Variants in NOL4 observed in about 807,000 individuals in gnomAD.
NOL4 encodes nucleolar protein 4.
NOL4 carries 17 observed loss-of-function variants against 75.9 expected under a neutral mutation model. That is an observed-to-expected ratio of 0.22 (90% CI 0.15 to 0.34). The LOEUF (loss-of-function observed/expected upper bound fraction) is 0.34. Among genes scored for constraint, NOL4 ranks in the 10% least tolerant of loss-of-function variants. The pLI is 1.00. For synonymous variants in NOL4, 292 were observed against 289.9 expected (o/e 1.01, Z -0.07); for missense variants, 614 against 793.5 (o/e 0.77, Z 2.72).
At chr18:34,084,073 C>T (rs1040176793) in intron 5 of NOL4, among the ~76,000 whole-genome samples, 3 of 152,202 alleles carry the variant, frequency 2.0e-5, no homozygotes, top group African/African-American at 7.2e-5. Flanking sequence ...GGGCACTGAC[C>T]TGATGCCGGC....
intron 6 of NOL4, among the ~76,000 whole-genome samples, chr18:33,964,038 C>A (rs549244143): frequency 6.6e-6 from 1 of 152,132 alleles, no homozygotes; most frequent in South Asian, 2.1e-4. Flanking sequence ...TATGCTTTCA[C>A]GTGCTTTGCA....
intron 5 of NOL4, among the ~76,000 whole-genome samples, chr18:34,023,846 C>T (rs1451931996): frequency 6.6e-6 from 1 of 152,122 alleles, no homozygotes; most frequent in East Asian, 1.9e-4. Context: ...TCTAGTAACA[C>T]AGTAAATGGC....
chr18:33,994,101 A>G (rs780882139), intron 6 of NOL4, among the ~76,000 whole-genome samples: 31 of 151,900 alleles, frequency 2.0e-4, no homozygotes, highest in Non-Finnish European at 3.8e-4. Context: ...AGATATGACA[A>G]TTATAAACTA....
intron 1 of NOL4, among the ~76,000 whole-genome samples, chr18:34,177,999 A>C (rs186318685): frequency 3.2e-4 from 49 of 151,906 alleles, no homozygotes; most frequent in African/African-American, 1.2e-3. Flanking sequence ...TTTTGTTTGT[A>C]CCTCTTTTTT....
chr18:33,984,582 G>A (rs1330516215), intron 6 of NOL4, among the ~76,000 whole-genome samples: 2 of 151,964 alleles, frequency 1.3e-5, no homozygotes, highest in Admixed American at 6.6e-5. Context: ...GGAAGTGTGT[G>A]GTACCTCCCC....
intron 2 of NOL4, among the ~76,000 whole-genome samples, chr18:34,113,503 G>A (rs1568358390): frequency 6.6e-6 from 1 of 152,044 alleles, no homozygotes; most frequent in African/African-American, 2.4e-5. Flanking sequence ...GTGCATGGTA[G>A]TGTGTGCCTG....
chr18:34,053,789 A>G (rs11661740), intron 5 of NOL4, among the ~76,000 whole-genome samples: 61,733 of 151,668 alleles, frequency 0.41, 12,732 homozygotes, highest in South Asian at 0.53. Context: ...TTTTTAACAC[A>G]GTTTTTGAAT....
chr18:33,921,632 C>T (rs932129242), intron 9 of NOL4, among the ~76,000 whole-genome samples: 1 of 152,088 alleles, frequency 6.6e-6, no homozygotes. Flanking sequence ...AATGTCTGGG[C>T]TACTAGAAGC....
chr18:34,178,177 G>A (rs2033720334), intron 1 of NOL4, among the ~76,000 whole-genome samples: 1 of 151,574 alleles, frequency 6.6e-6, no homozygotes, highest in Non-Finnish European at 1.5e-5. Context: ...ATGTTAACTA[G>A]ATTGTTATAG....
intron 6 of NOL4, among the ~76,000 whole-genome samples, chr18:33,996,969 AGTTT>A (rs1165298619): frequency 6.6e-6 from 1 of 151,758 alleles, no homozygotes; most frequent in Non-Finnish European, 1.5e-5. Context: ...TTCAACTCTT[AGTTT>A]AAGTTCCTTA....
chr18:34,001,286 T>G (rs753537310), intron 6 of NOL4, among the ~76,000 whole-genome samples: 1 of 152,186 alleles, frequency 6.6e-6, no homozygotes, highest in African/African-American at 2.4e-5. Context: ...TTTTTAGCGC[T>G]GCAAATAATG....
At chr18:34,016,834 C>T (rs1028127758) in intron 6 of NOL4, among the ~76,000 whole-genome samples, 4 of 152,128 alleles carry the variant, frequency 2.6e-5, no homozygotes, top group African/African-American at 9.7e-5. Flanking sequence ...TTCTCATTTA[C>T]ATATTTTTGC....
intron 5 of NOL4, chr18:34,023,463 A>G (rs1300663484): frequency 2.2e-6 from 1 of 456,184 alleles, no homozygotes; most frequent in Non-Finnish European, 4.4e-6. Flanking sequence ...GTCCATCCTG[A>G]GTAGCTGCTA....
At chr18:34,205,415 T>A (rs2036053599) in intron 1 of NOL4, among the ~76,000 whole-genome samples, 1 of 152,052 alleles carries the variant, frequency 6.6e-6, no homozygotes, top group Non-Finnish European at 1.5e-5. Context: ...TTTGGAAAAT[T>A]ATGAAATTCC....
At chr18:33,947,553 T>A (rs2068923970) in intron 8 of NOL4, among the ~76,000 whole-genome samples, 1 of 151,862 alleles carries the variant, frequency 6.6e-6, no homozygotes, top group Admixed American at 6.6e-5. Flanking sequence ...ATACATATAC[T>A]ATTTGATATC....
Position 34,223,355 on chromosome 18 carries a change from G to A in NOL4, c.-102C>T, listed in dbSNP as rs2037453351. 17 of 1,496,792 alleles carry A rather than the reference G, an allele frequency of 1.1e-5. No homozygotes were observed. Among genetic ancestry groups the A allele is most frequent in the Non-Finnish European group, 1.5e-5 (17 of 1,117,844 alleles). The allele number at this position is 1,496,792 out of a possible 1,614,324, so 92.7% of individuals were successfully genotyped here. A position where few individuals can be genotyped will look rare whatever the true frequency, so the allele number is the denominator to read the frequency against. ...AGCCCCGGCCACGTTGCAGGGATGC[G>A]AGGTCCCGGCCGCAGCGGGAGCCTG... On this transcript the variant is annotated 5_prime_UTR_variant, in exon 1 of 11. Coordinates refer to ENST00000261592, the MANE Select transcript of NOL4 (RefSeq NM_003787.5).
At chr18:33,930,051 C>T (rs1305410097) in intron 9 of NOL4, among the ~76,000 whole-genome samples, 1 of 152,034 alleles carries the variant, frequency 6.6e-6, no homozygotes, top group Non-Finnish European at 1.5e-5. Flanking sequence ...CTTTCATGTA[C>T]AGCAAGTACA....
At chr18:33,911,716 G>C (rs901363776) in intron 9 of NOL4, among the ~76,000 whole-genome samples, 1 of 151,936 alleles carries the variant, frequency 6.6e-6, no homozygotes, top group Non-Finnish European at 1.5e-5. Context: ...CCCCCCTCTG[G>C]CTTCTTCGTT....
At chr18:34,121,175 C>T (rs1454410450) in intron 2 of NOL4, 2 of 152,146 alleles carry the variant, frequency 1.3e-5, no homozygotes, top group Non-Finnish European at 2.9e-5. Context: ...TCAGCAAAGT[C>T]ATTGTTTATA....
Sources: gnomAD v4.1 joint callset for allele counts (sites outside exome capture counted in the v4.1 genomes callset) on GRCh38, gnomAD v4.1.1 for gene constraint, MANE v1.5 for transcripts, NCBI Gene and HGNC (gene_info 2026-07-23, HGNC 2026-07-21) for gene names.